Variants in ADGRG5 observed in about 807,000 individuals in gnomAD.
The protein encoded by ADGRG5 is adhesion G protein-coupled receptor G5, also known as G protein-coupled receptor 114.
Under a neutral mutation model 53.2 loss-of-function variants are expected in ADGRG5, and 37 were observed. That is an observed-to-expected ratio of 0.70 (90% CI 0.53 to 0.91). The LOEUF (loss-of-function observed/expected upper bound fraction) is 0.91. Ranked by LOEUF, ADGRG5 falls within the 40% of genes least tolerant of loss-of-function variation. The pLI, the probability that ADGRG5 is intolerant of heterozygous loss-of-function variation, is 0.00. For synonymous variants in ADGRG5, 277 were observed against 290.4 expected (o/e 0.95, Z 0.47); for missense variants, 614 against 675.8 (o/e 0.91, Z 1.01).
At chr16:57,540,865 A>T (rs1468774058), upstream of ADGRG5, among the ~76,000 whole-genome samples, 3 of 152,106 alleles carry the variant, frequency 2.0e-5, no homozygotes, top group African/African-American at 7.2e-5. Flanking sequence ...ATCTCGGCTC[A>T]CTGCAACCTC....
At position 57,566,707 on chromosome 16, in the gene ADGRG5, G is replaced by C; in HGVS notation, c.655G>C (p.Val219Leu). The part of the protein sequence containing the change: ...CRTEQPSHSQ[V>L]LCRCNHLTYF... Reference sequence around the variant, plus strand: ...TACAGAGCAGCCCTCCCACTCTCAGGTGCTCTGCCGCTGCAACCACCTCAC... The same window carrying C: ...TACAGAGCAGCCCTCCCACTCTCAGCTGCTCTGCCGCTGCAACCACCTCAC... The change falls in exon 7 of 12, where the codon GTG becomes CTG. Residue 219 changes from valine (V) to leucine (L), a missense_variant. Physicochemically the swap from Val to Leu is conservative, Grantham distance 32. Coordinates refer to ENST00000349457, the MANE Select transcript of ADGRG5 (RefSeq NM_001304376.3). 1.3e-6 allele frequency: 2 copies of C among 1,581,956 alleles called. No homozygotes were observed. Among genetic ancestry groups the C allele is most frequent in the South Asian group, 1.2e-5 (1 of 86,808 alleles).
At chr16:57,555,245 G>C (rs2032855909) in intron 1 of ADGRG5, among the ~76,000 whole-genome samples, 1 of 152,174 alleles carries the variant, frequency 6.6e-6, no homozygotes, top group Non-Finnish European at 1.5e-5. Context: ...ATCTCATCTT[G>C]AATTGTAGTT....
chr16:57,530,752 T>C, the ADGRG5 span, among the ~76,000 whole-genome samples: 1 of 152,056 alleles, frequency 6.6e-6, no homozygotes, highest in African/African-American at 2.4e-5. Flanking sequence ...TTACCCCTGC[T>C]GAAGTGTCTC....
intron 1 of ADGRG5, among the ~76,000 whole-genome samples, chr16:57,559,645 G>A (rs1396975888): frequency 6.6e-6 from 1 of 152,014 alleles, no homozygotes; most frequent in Non-Finnish European, 1.5e-5. Flanking sequence ...TGTCAAACAT[G>A]AAACAGATCA....
intron 1 of ADGRG5, among the ~76,000 whole-genome samples, chr16:57,550,287 A>G (rs553259170): frequency 6.6e-6 from 1 of 152,232 alleles, no homozygotes; most frequent in Non-Finnish European, 1.5e-5. Context: ...CCATCTATAT[A>G]CATCTTCATT....
intron 5 of ADGRG5, among the ~76,000 whole-genome samples, chr16:57,564,697 G>A (rs551894999): frequency 2.6e-5 from 4 of 152,268 alleles, no homozygotes; most frequent in African/African-American, 9.6e-5. Flanking sequence ...TCTTCCCAGT[G>A]GGCAGTCCAG....
intron 9 of ADGRG5, 27 bp from the exon 10 acceptor site, chr16:57,570,391 C>A: frequency 6.6e-7 from 1 of 1,508,768 alleles, no homozygotes; most frequent in Non-Finnish European, 9.2e-7. Context: ...TCTCCCACAT[C>A]TCCTGAGCCT....
Position 57,567,521 on chromosome 16 carries a change from A to C in ADGRG5, c.751A>C (p.Ile251Leu), listed in dbSNP as rs1407600614. The change falls in exon 8 of 12, where the codon ATC (isoleucine) becomes CTC (leucine). Residue 251 changes from isoleucine (I) to leucine (L), a missense_variant. Physicochemically the swap from Ile to Leu is conservative, Grantham distance 5 (BLOSUM62 2). Transcript: ENST00000349457. ...PAELLAPLTY[I>L]SLVGCSISIV... Reference sequence around the variant, plus strand: ...AGAGTTGCTGGCACCTCTTACGTACATCTCCCTCGTGGGCTGCAGCATCTC... The same window carrying C: ...AGAGTTGCTGGCACCTCTTACGTACCTCTCCCTCGTGGGCTGCAGCATCTC... The C allele has an allele frequency of 4.3e-6, 7 of 1,611,502 alleles. No homozygotes were observed. Among genetic ancestry groups the C allele is most frequent in the Non-Finnish European group, 5.1e-6 (6 of 1,179,854 alleles).
chr16:57,548,017 G>A lies in ADGRG5; in HGVS notation c.-39+5316G>A, dbSNP rs1567613316. Among the ~76,000 whole-genome samples the A allele has an allele frequency of 2.6e-5, 4 of 152,086 alleles. No homozygotes were observed. In the South Asian group the frequency reaches 8.3e-4, roughly 32 times the overall value. On this transcript the variant is annotated intron_variant, in intron 1 of 11. Transcript: ENST00000349457. ...CCCACCTAGGCCTCCCAGCGTGCTG[G>A]GATTACAGGTATGAGCCACCACGCC... is the stretch of plus-strand genomic sequence containing the variant.
intron 1 of ADGRG5, chr16:57,543,111 C>A (rs1294656660): frequency 6.6e-6 from 1 of 152,122 alleles, no homozygotes; most frequent in African/African-American, 2.4e-5. Flanking sequence ...GCTTGGCAAT[C>A]TGGAGCAGGT....
In ADGRG5 at chr16:57,563,856, T is replaced by C. The variant is rs779073168; in HGVS notation, c.306T>C (p.Gly102=). ...TTTGCGACCCTCTGCAGGCAGGAGGTCAGCATGCCCGGGGTCAGCACGCCA... is the reference window on the plus strand; with the variant it reads ...TTTGCGACCCTCTGCAGGCAGGAGGCCAGCATGCCCGGGGTCAGCACGCCA... The part of the protein sequence containing the change: ...ATLKRVPQAG[G]QHARGQHAMQ... The change falls in exon 5 of 12, where the codon GGT becomes GGC. Residue 102 remains glycine (G), a synonymous_variant. Transcript: ENST00000349457. 6 of 1,613,402 alleles carry C rather than the reference T, an allele frequency of 3.7e-6. No homozygotes were observed. The African/African-American group carries it at 8.0e-5, about 22-fold the overall frequency.
At chr16:57,539,453 C>CTTTTTTT (rs375117285), upstream of ADGRG5, among the ~76,000 whole-genome samples, 4 of 108,778 alleles carry the variant, frequency 3.7e-5, 1 homozygote, top group Non-Finnish European at 6.5e-5. Flanking sequence ...GCACTGTACC[C>CTTTTTTT]CTTTTTTTTT....
At chr16:57,535,370 C>T in the ADGRG5 span, among the ~76,000 whole-genome samples, 1 of 152,130 alleles carries the variant, frequency 6.6e-6, no homozygotes, top group Non-Finnish European at 1.5e-5. Context: ...CAGCCTGGAT[C>T]ATTGATTTGA....
rs1009819386 is a variant in ADGRG5, at chr16:57,574,230, C to T, written c.1209-585C>T. On this transcript the variant is annotated intron_variant, in intron 10 of 11. Transcript: ENST00000349457. The surrounding 1 kb of genome is among the most constrained non-coding windows in gnomAD (Gnocchi z 4.4). ...GGCTCTCTGCTCAGCCCTCAGTGGG[C>T]TCTCCTGCGGCTCTGTGTGCTCTCA... Among the ~76,000 whole-genome samples the T allele has an allele frequency of 6.6e-6, 1 of 152,228 alleles. No individual in the cohort carries two copies. Among genetic ancestry groups the T allele is most frequent in the Non-Finnish European group, 1.5e-5 (1 of 68,050 alleles).
At chr16:57,566,479 C>A in intron 6 of ADGRG5, 120 bp from the exon 7 acceptor site, 1 of 883,986 alleles carries the variant, frequency 1.1e-6, no homozygotes, top group Non-Finnish European at 1.6e-6. Flanking sequence ...AAAGGCCAGC[C>A]AGTGCCTGGT....
At chr16:57,531,360 C>G in the ADGRG5 span, among the ~76,000 whole-genome samples, 7,706 of 151,990 alleles carry the variant, frequency 0.051, 572 homozygotes, top group African/African-American at 0.17. Flanking sequence ...CCTCCCCCAC[C>G]CACCGCCAAA....
At chr16:57,551,678 G>A (rs2146766583) in intron 1 of ADGRG5, among the ~76,000 whole-genome samples, 1 of 152,270 alleles carries the variant, frequency 6.6e-6, no homozygotes, top group Middle Eastern at 3.4e-3. Flanking sequence ...CGTCCATGAA[G>A]CATGGAATCA....
chr16:57,541,464 G>A (rs1328086714), upstream of ADGRG5, among the ~76,000 whole-genome samples: 5 of 152,158 alleles, frequency 3.3e-5, no homozygotes, highest in Non-Finnish European at 5.9e-5. Flanking sequence ...CAGGACACAG[G>A]TGCACCGGTG....
chr16:57,546,474 A>G (rs1280316544), intron 1 of ADGRG5, among the ~76,000 whole-genome samples: 1 of 152,204 alleles, frequency 6.6e-6, no homozygotes, highest in Non-Finnish European at 1.5e-5. Context: ...CAATTTCTAG[A>G]AACTTTTACA....
Sources: gnomAD v4.1 joint callset for allele counts (sites outside exome capture counted in the v4.1 genomes callset) on GRCh38, gnomAD v4.1.1 for gene constraint, Gnocchi (gnomAD v3.1) non-coding constraint, MANE v1.5 for transcripts, NCBI Gene and HGNC (gene_info 2026-07-23, HGNC 2026-07-21) for gene names.